CCDC178: variants seen among roughly 807,000 people sequenced by gnomAD.
CCDC178 encodes coiled-coil domain containing 178, also known as coiled-coil domain-containing protein 178.
Under a neutral mutation model 117.4 loss-of-function variants are expected in CCDC178, and 126 were observed. That is an observed-to-expected ratio of 1.07 (90% CI 0.93 to 1.24). The LOEUF (loss-of-function observed/expected upper bound fraction) is 1.24, where lower values mean the gene tolerates loss of function less well. Among genes scored for constraint, CCDC178 ranks in the 50% most tolerant of loss-of-function variants. The pLI, the probability that CCDC178 is intolerant of heterozygous loss-of-function variation, is 0.00. For synonymous variants in CCDC178, 283 were observed against 313.4 expected (o/e 0.90, Z 1.02); for missense variants, 1,030 against 986.9 (o/e 1.04, Z -0.59).
chr18:33,114,437 T>C lies in CCDC178; in HGVS notation c.2239-21527A>G, dbSNP rs1049274776. On this transcript the variant is annotated intron_variant, in intron 20 of 22. Coordinates refer to ENST00000383096, the MANE Select transcript of CCDC178 (RefSeq NM_001105528.4). The stretch of plus-strand genomic sequence containing the variant: ...GTAATTGAGAAGGGGAACACTGCAA[T>C]GGGGATTGGACTTTGTGAATTCAGA... Among the ~76,000 whole-genome samples, 4 of 152,036 alleles carry C rather than the reference T, an allele frequency of 2.6e-5. No homozygotes were observed. In the East Asian group the frequency reaches 5.8e-4, roughly 22 times the overall value.
intron 22 of CCDC178, among the ~76,000 whole-genome samples, chr18:32,961,431 C>T (rs1273166392): frequency 6.6e-6 from 1 of 152,002 alleles, no homozygotes. Context: ...CTTGGTGTTG[C>T]ATGGTATACT....
At chr18:33,001,571 T>C (rs1418816724) in intron 21 of CCDC178, among the ~76,000 whole-genome samples, 1 of 148,224 alleles carries the variant, frequency 6.7e-6, no homozygotes. Context: ...CCAGAGAAAA[T>C]CACCCTCACT....
chr18:33,269,537 G>C (rs2059861040), intron 12 of CCDC178, among the ~76,000 whole-genome samples: 1 of 151,732 alleles, frequency 6.6e-6, no homozygotes, highest in African/African-American at 2.4e-5. Flanking sequence ...GTTTATTAAA[G>C]GTGAACCTAA....
intron 18 of CCDC178, among the ~76,000 whole-genome samples, chr18:33,218,789 C>T (rs2059197708): frequency 1.3e-5 from 2 of 151,854 alleles, no homozygotes; most frequent in South Asian, 4.1e-4. Context: ...TCTGAGGGCT[C>T]TGCTCTGTTC....
intron 21 of CCDC178, among the ~76,000 whole-genome samples, chr18:33,003,925 T>G (rs1261426754): frequency 6.6e-6 from 1 of 152,114 alleles, no homozygotes; most frequent in African/African-American, 2.4e-5. Flanking sequence ...TAATCCCATT[T>G]GCAATAGATG....
At chr18:33,386,151 C>A (rs1430299680) in intron 5 of CCDC178, among the ~76,000 whole-genome samples, 1 of 151,938 alleles carries the variant, frequency 6.6e-6, no homozygotes, top group Non-Finnish European at 1.5e-5. Context: ...GGGGGGTGAA[C>A]CAGGAAGAAT....
chr18:33,129,071 C>T (rs1015506408), intron 20 of CCDC178, among the ~76,000 whole-genome samples: 14 of 152,100 alleles, frequency 9.2e-5, no homozygotes, highest in African/African-American at 3.4e-4. Flanking sequence ...TACTTTCCCC[C>T]ATAACCAATA....
At chr18:33,054,990 A>G (rs1353503633) in intron 21 of CCDC178, among the ~76,000 whole-genome samples, 13 of 152,172 alleles carry the variant, frequency 8.5e-5, no homozygotes, top group African/African-American at 3.1e-4. Context: ...GTGAGATGGT[A>G]TCTCATTGTG....
At chr18:33,282,315 GC>G (rs2060035189) in intron 12 of CCDC178, among the ~76,000 whole-genome samples, 1 of 152,176 alleles carries the variant, frequency 6.6e-6, no homozygotes, top group Non-Finnish European at 1.5e-5. Flanking sequence ...AGGGTTTGGA[GC>G]GAGAGCATCT....
chr18:33,356,574 A>G (rs1372909739), intron 6 of CCDC178, among the ~76,000 whole-genome samples: 1 of 152,020 alleles, frequency 6.6e-6, no homozygotes, highest in Non-Finnish European at 1.5e-5. Flanking sequence ...GAAACCTAAA[A>G]AGCTAGTTAA....
chr18:33,207,141 C>T (rs1366645818), intron 20 of CCDC178, among the ~76,000 whole-genome samples: 5 of 152,062 alleles, frequency 3.3e-5, no homozygotes, highest in East Asian at 3.9e-4. Context: ...TTGATAGTAT[C>T]GTGAGAGAAT....
intron 20 of CCDC178, among the ~76,000 whole-genome samples, chr18:33,167,324 G>T (rs2058545076): frequency 1.3e-5 from 2 of 152,058 alleles, no homozygotes; most frequent in African/African-American, 4.8e-5. Flanking sequence ...TCTATTTTAA[G>T]TTGAGAAATT....
intron 2 of CCDC178, among the ~76,000 whole-genome samples, chr18:33,434,962 C>T (rs995848371): frequency 3.9e-5 from 6 of 152,058 alleles, no homozygotes; most frequent in African/African-American, 1.4e-4. Flanking sequence ...GTGACATTTT[C>T]GGGCTACATC....
intron 2 of CCDC178, among the ~76,000 whole-genome samples, chr18:33,435,612 TGAA>T (rs2064277591): frequency 1.3e-5 from 2 of 149,174 alleles, no homozygotes; most frequent in East Asian, 2.0e-4. Context: ...GAGGGCTTAT[TGAA>T]GAAGACCATG....
intron 20 of CCDC178, among the ~76,000 whole-genome samples, chr18:33,175,692 T>C (rs1487078952): frequency 2.0e-5 from 3 of 152,202 alleles, no homozygotes; most frequent in Non-Finnish European, 4.4e-5. Flanking sequence ...GAAGTGAAGC[T>C]ACCAAGTGGG....
chr18:33,311,168 CAAAACAAAACAA>C (rs1304037003), intron 11 of CCDC178, among the ~76,000 whole-genome samples: 1 of 151,366 alleles, frequency 6.6e-6, no homozygotes, highest in Non-Finnish European at 1.5e-5. Flanking sequence ...AGCAGGAAAA[CAAAACAAAACAA>C]AAAACAAACA....
chr18:33,082,705 C>T (rs944743158), intron 21 of CCDC178, among the ~76,000 whole-genome samples: 2 of 151,382 alleles, frequency 1.3e-5, no homozygotes, highest in African/African-American at 2.4e-5. Flanking sequence ...GCACATGTAC[C>T]CTATAACTTA....
intron 12 of CCDC178, among the ~76,000 whole-genome samples, chr18:33,273,574 T>TA (rs1309377144): frequency 6.6e-6 from 1 of 151,672 alleles, no homozygotes; most frequent in African/African-American, 2.4e-5. Flanking sequence ...CTACATTAAT[T>TA]ACCAATTGAT....
At chr18:33,080,143 A>G (rs2057275468) in intron 21 of CCDC178, among the ~76,000 whole-genome samples, 1 of 152,206 alleles carries the variant, frequency 6.6e-6, no homozygotes, top group Non-Finnish European at 1.5e-5. Context: ...ATGGAGCTGG[A>G]GGCTGGTATC....
Sources: allele counts gnomAD v4.1 joint callset (sites outside exome capture counted in the v4.1 genomes callset), GRCh38; gene constraint gnomAD v4.1.1; transcripts MANE v1.5; gene names NCBI Gene and HGNC (gene_info 2026-07-23, HGNC 2026-07-21).